The following AGBL2 variants were observed in gnomAD, a reference collection of about 807,000 sequenced individuals.
AGBL2 encodes the protein AGBL carboxypeptidase 2.
A neutral mutation model predicts 103.0 loss-of-function variants in AGBL2; 87 were observed. The observed-to-expected ratio is 0.84, with a 90% CI of 0.71 to 1.01. The LOEUF is 1.01. Among genes scored for constraint, AGBL2 ranks in the 50% least tolerant of loss-of-function variants. The probability of loss-of-function intolerance (pLI) is 0.00; values close to 1 mark genes in which losing one functional copy is unlikely to be tolerated. For synonymous variants in AGBL2, 335 were observed against 356.7 expected, an observed-to-expected ratio of 0.94 and a Z score of 0.69; for missense variants, 904 against 1,023.5, an observed-to-expected ratio of 0.88 and a Z score of 1.59.
At chr11:47,710,667 A>C in intron 3 of AGBL2, 156 bp from the exon 4 acceptor site, 2 of 861,456 alleles carry the variant, frequency 2.3e-6, no homozygotes, top group South Asian at 1.4e-5. Context: ...TCATATTCCA[A>C]CTTATGTGAG....
chr11:47,690,980 T>A, intron 9 of AGBL2, 122 bp from the exon 10 acceptor site: 1 of 777,242 alleles, frequency 1.3e-6, no homozygotes, highest in Non-Finnish European at 2.0e-6. Context: ...TCTGCTACCT[T>A]AATCATTTAT....
intron 12 of AGBL2, among the ~76,000 whole-genome samples, chr11:47,681,461 TTTTG>T (rs577319105): frequency 2.3e-4 from 35 of 152,188 alleles, no homozygotes; most frequent in African/African-American, 2.9e-4. Flanking sequence ...ATTCCAGGTT[TTTTG>T]TTTGTTTGTT....
At position 47,671,545 on chromosome 11, in the gene AGBL2, CA is replaced by C. The variant is rs2097357569; in HGVS notation, c.2148-2639del. Among the ~76,000 whole-genome samples the C allele has an allele frequency of 1.3e-5, 2 of 151,758 alleles. 1 individual carries two copies. Among genetic ancestry groups the C allele is most frequent in the South Asian group, 4.2e-4 (2 of 4,806 alleles). On this transcript the variant is annotated intron_variant, in intron 14 of 18. Coordinates refer to ENST00000525123, the MANE Select transcript of AGBL2 (RefSeq NM_024783.4). Reference sequence around the variant, plus strand: ...TCCATCTCAAAAACAAACAAACAAACAAACAAACAAAAAACACTTATTGGCA... The same window carrying C: ...TCCATCTCAAAAACAAACAAACAAACAACAAACAAAAAACACTTATTGGCA...
chr11:47,677,137 G>T, intron 14 of AGBL2, 134 bp downstream of exon 14: 1 of 681,436 alleles, frequency 1.5e-6, no homozygotes, highest in Non-Finnish European at 2.1e-6. Flanking sequence ...CCTCCCCAGT[G>T]TCTGGGACTA....
intron 14 of AGBL2, among the ~76,000 whole-genome samples, chr11:47,670,932 C>T (rs1433870602): frequency 6.6e-6 from 1 of 151,402 alleles, no homozygotes; most frequent in Non-Finnish European, 1.5e-5. Context: ...GAGGTTGAGG[C>T]TATAGTGAGC....
Position 47,686,044 on chromosome 11 carries a change from A to G in AGBL2, c.1637T>C (p.Leu546Pro). 2 of 1,613,892 alleles carry G rather than the reference A, an allele frequency of 1.2e-6. No individual in the cohort carries two copies. The highest frequency in any genetic ancestry group is 8.5e-7 in the Non-Finnish European group (1 of 1,179,964). The change falls in exon 11 of 19, where the codon CTT becomes CCT. Residue 546 changes from leucine to proline, a missense_variant. By Grantham distance (98) the Leu-to-Pro change is moderately conservative. Transcript: ENST00000525123. ...WYTRNMIKRL[L>P]EEREVLLYCD... Reference sequence around the variant, plus strand: ...ATACAACAGAACCTCTCTTTCTTCAAGAAGTCTATTGAGGGGGCAAACAAA... The same window carrying G: ...ATACAACAGAACCTCTCTTTCTTCAGGAAGTCTATTGAGGGGGCAAACAAA...
chr11:47,710,274 C>T, intron 4 of AGBL2, 103 bp downstream of exon 4: 1 of 1,390,366 alleles, frequency 7.2e-7, no homozygotes. Context: ...GAGGCCAAGG[C>T]TGCTCCCTGG....
At chr11:47,668,804 A>G in intron 15 of AGBL2, 37 bp downstream of exon 15, 1 of 1,543,838 alleles carries the variant, frequency 6.5e-7, no homozygotes, top group Non-Finnish European at 8.9e-7. Context: ...ACTTTTTTTT[A>G]AGGCTGCTAT....
intron 18 of AGBL2, among the ~76,000 whole-genome samples, chr11:47,662,322 C>T (rs1029190367): frequency 2.0e-5 from 3 of 150,854 alleles, no homozygotes; most frequent in Non-Finnish European, 2.9e-5. Flanking sequence ...TATAAGCATG[C>T]ACCACTACAC....
chr11:47,710,603 C>T, intron 3 of AGBL2, 92 bp from the exon 4 acceptor site: 1 of 1,410,342 alleles, frequency 7.1e-7, no homozygotes, highest in Non-Finnish European at 9.9e-7. Flanking sequence ...CCTTTTATCA[C>T]CACCCACCAC....
intron 7 of AGBL2, 129 bp downstream of exon 7, chr11:47,704,414 C>A (rs1599079085): frequency 1.4e-6 from 1 of 712,274 alleles, no homozygotes; most frequent in Non-Finnish European, 2.2e-6. Flanking sequence ...ACCTGGGAGA[C>A]AGAGGTTGCA....
Position 47,660,068 on chromosome 11 carries a change from TACC to T in AGBL2, c.*102_*104del. The T allele has an allele frequency of 3.1e-6, 4 of 1,281,332 alleles. No homozygotes were observed. The South Asian group carries it at 5.8e-5, about 19-fold the overall frequency. 79.4% of individuals were successfully genotyped at this position (1,281,332 alleles called of 1,614,324 possible). Reference sequence around the variant, plus strand: ...CAGTGCATGAGTGCACAACACAGTATACCACAAGTAAATGCAGTTCCCAGTCAT... The same window carrying T: ...CAGTGCATGAGTGCACAACACAGTATACAAGTAAATGCAGTTCCCAGTCAT... On this transcript the variant is annotated 3_prime_UTR_variant, in exon 19 of 19. Coordinates refer to ENST00000525123, the MANE Select transcript of AGBL2 (RefSeq NM_024783.4).
chr11:47,710,630 G>A, intron 3 of AGBL2, 119 bp from the exon 4 acceptor site: 1 of 1,165,532 alleles, frequency 8.6e-7, no homozygotes, highest in Non-Finnish European at 1.3e-6. Context: ...CCTTTGCAAT[G>A]AATACACTGC....
Position 47,660,292 on chromosome 11 carries a change from T to A in AGBL2, c.2590A>T (p.Ser864Cys), listed in dbSNP as rs777577079. The change falls in exon 19 of 19, where the codon AGC becomes TGC. Residue 864 changes from serine to cysteine, a missense_variant. Coordinates refer to ENST00000525123, the MANE Select transcript of AGBL2 (RefSeq NM_024783.4). ...TTCATACCTGGAGCTGGCTCTTGGC[T>A]GGAGTTTATGGTTCTCTTTGGAGAG... Reference protein sequence around the residue: ...SCSPKRTINSSQEPAPGMKPN... With the variant: ...SCSPKRTINSCQEPAPGMKPN... The A allele has an allele frequency of 4.3e-6, 7 of 1,614,220 alleles. No individual in the cohort carries two copies. The Admixed American group carries it at 1.2e-4, about 27-fold the overall frequency.
Position 47,666,984 on chromosome 11 carries a change from A to T in AGBL2, c.2420T>A (p.Met807Lys). ...ATTTAACCTTGGGTTTTCATTTTTC[A>T]TTGGTAAAAAACTGGAATTCTCTGA... The part of the protein sequence containing the change: ...KNSENSSFLP[M>K]KNENPRLNET... Residue 807 changes from methionine to lysine, a missense_variant, in exon 17 of 19, where the codon ATG becomes AAG. Coordinates refer to ENST00000525123, the MANE Select transcript of AGBL2 (RefSeq NM_024783.4). The T allele has an allele frequency of 6.2e-7, 1 of 1,613,544 alleles. No individual in the cohort carries two copies. Among genetic ancestry groups the T allele is most frequent in the African/African-American group, 1.3e-5 (1 of 75,042 alleles).
At chr11:47,693,332 G>T (rs1325431021) in intron 8 of AGBL2, among the ~76,000 whole-genome samples, 1 of 152,004 alleles carries the variant, frequency 6.6e-6, no homozygotes, top group Admixed American at 6.6e-5. Context: ...CGGCTCATTT[G>T]TTTTAAGATT....
chr11:47,690,615 C>A lies in AGBL2; in HGVS notation c.1092G>T (p.Lys364Asn), dbSNP rs756092330. ...RREGNEIKYY[K>N]NNTDDGQQPF... ...GCTGCTGCCCATCATCCGTGTTGTT[C>A]TTGTAGTACTTGATTTCATTTCCTT... is the stretch of plus-strand genomic sequence containing the variant. Residue 364 changes from lysine (K) to asparagine (N), a missense_variant, in exon 10 of 19, where the codon AAG becomes AAT. Coordinates refer to ENST00000525123, the MANE Select transcript of AGBL2 (RefSeq NM_024783.4). 1.2e-6 allele frequency: 2 copies of A among 1,614,154 alleles called. No individual in the cohort carries two copies. Among genetic ancestry groups the A allele is most frequent in the Admixed American group, 3.3e-5 (2 of 59,992 alleles).
intron 18 of AGBL2, among the ~76,000 whole-genome samples, chr11:47,662,111 T>C (rs1324842071): frequency 6.6e-6 from 1 of 152,122 alleles, no homozygotes; most frequent in Non-Finnish European, 1.5e-5. Flanking sequence ...GCATGATGAA[T>C]GTTATTATAG....
intron 7 of AGBL2, among the ~76,000 whole-genome samples, chr11:47,699,830 G>T (rs1159802402): frequency 6.6e-6 from 1 of 152,120 alleles, no homozygotes; most frequent in Non-Finnish European, 1.5e-5. Context: ...TATAGCTGCT[G>T]CAACAGCTCT....
Sources: gnomAD v4.1 joint callset for allele counts (sites outside exome capture counted in the v4.1 genomes callset) on GRCh38, gnomAD v4.1.1 for gene constraint, MANE v1.5 for transcripts, NCBI Gene and HGNC (gene_info 2026-07-23, HGNC 2026-07-21) for gene names.